The following UGT2A2 variants were observed in gnomAD, a reference collection of about 807,000 sequenced individuals.
UGT2A2 encodes the protein UDP glucuronosyltransferase family 2 member A2, also known as UDP-glucuronosyltransferase 2A2.
UGT2A2 carries 60 observed loss-of-function variants against 50.7 expected under a neutral mutation model. The ratio of observed to expected loss-of-function variants is 1.18; its 90% CI spans 0.96 to 1.47. The LOEUF is 1.47. Ranked by LOEUF, UGT2A2 falls within the 40% of genes most tolerant of loss-of-function variation. UGT2A2 has a pLI of 0.00. For synonymous variants in UGT2A2, 242 were observed against 214.6 expected, an observed-to-expected ratio of 1.13 and a Z score of -1.11; for missense variants, 762 against 634.0, an observed-to-expected ratio of 1.20 and a Z score of -2.17.
intron 1 of UGT2A2, among the ~76,000 whole-genome samples, chr4:69,611,316 T>G (rs1720035928): frequency 6.6e-6 from 1 of 150,826 alleles, no homozygotes; most frequent in African/African-American, 2.4e-5. Flanking sequence ...TATTAATTTC[T>G]GCCAAATTTT....
Position 69,595,305 on chromosome 4 carries a change from G to T in UGT2A2, c.1024-56C>A. 3.8e-6 allele frequency: 6 copies of T among 1,586,434 alleles called. No homozygotes were observed. In the East Asian group the frequency reaches 1.3e-4, roughly 36 times the overall value. On this transcript the variant is annotated intron_variant, in intron 3 of 5. Transcript: ENST00000604629. The stretch of plus-strand genomic sequence containing the variant: ...GAAAAACACAATGAGGACATTTTAA[G>T]TTGGGAGAATTATTTAGAAATCATT...
intron 1 of UGT2A2, among the ~76,000 whole-genome samples, chr4:69,615,731 A>C (rs114770148): frequency 3.3e-5 from 5 of 151,938 alleles, no homozygotes; most frequent in Non-Finnish European, 7.4e-5. Flanking sequence ...CAAGCAAACA[A>C]ACAGACAGAC....
At position 69,636,473 on chromosome 4, in the gene UGT2A2, G is replaced by T. The variant is rs1460738269; in HGVS notation, c.742+2426C>A. ...TGTTCAGTAACATGAGAAGCATAAA[G>T]GTTTTAAGTAAATAGGATATTTAAT... On this transcript the variant is annotated intron_variant, in intron 1 of 5. Transcript: ENST00000604629. 4.6e-5 allele frequency among the ~76,000 whole-genome samples: 7 copies of T among 152,150 alleles called. No individual in the cohort carries two copies. The South Asian group carries it at 1.5e-3, about 32-fold the overall frequency.
At chr4:69,629,294 G>T (rs1423692278) in intron 1 of UGT2A2, among the ~76,000 whole-genome samples, 1 of 151,974 alleles carries the variant, frequency 6.6e-6, no homozygotes, top group South Asian at 2.1e-4. Context: ...ACTGCAAAGT[G>T]TTTACTTTGC....
chr4:69,607,228 CCA>C (rs1553904408), intron 1 of UGT2A2, among the ~76,000 whole-genome samples: 29 of 134,258 alleles, frequency 2.2e-4, no homozygotes, highest in African/African-American at 2.8e-4. Context: ...GAGATAAAGA[CCA>C]ATGGAACAGA....
intron 1 of UGT2A2, among the ~76,000 whole-genome samples, chr4:69,611,879 C>T (rs539229118): frequency 1.1e-4 from 16 of 152,196 alleles, no homozygotes; most frequent in African/African-American, 3.4e-4. Flanking sequence ...ATTACACATA[C>T]GCATTCACAT....
rs528149193 is a variant in UGT2A2, at chr4:69,606,004, G to C, written c.743-6610C>G. Among the ~76,000 whole-genome samples the C allele has an allele frequency of 4.0e-4, 54 of 136,688 alleles. 9 individuals carry two copies. The highest frequency in any genetic ancestry group is 1.6e-3 in the African/African-American group (54 of 33,788). The allele number at this position is 136,688 out of a possible 152,430, so 89.7% of individuals were successfully genotyped here. ...AATTCTACCAGAAGTACAAGGAGGA[G>C]CTGGTACCATTCCTTCTGAAACTAT... On this transcript the variant is annotated intron_variant, in intron 1 of 5. Coordinates refer to ENST00000604629, the MANE Select transcript of UGT2A2 (RefSeq NM_001105677.2).
chr4:69,632,613 G>A (rs1274195813), intron 1 of UGT2A2, among the ~76,000 whole-genome samples: 2 of 152,122 alleles, frequency 1.3e-5, no homozygotes, highest in African/African-American at 2.4e-5. Context: ...TAACTGGCCA[G>A]GCACAATGAC....
At chr4:69,614,368 C>T (rs546980411) in intron 1 of UGT2A2, among the ~76,000 whole-genome samples, 5 of 151,904 alleles carry the variant, frequency 3.3e-5, no homozygotes, top group Non-Finnish European at 5.9e-5. Flanking sequence ...ATAGAGGAAT[C>T]GAAAGCATTA....
chr4:69,618,203 G>GTGTGTGTGTGTGTGTA, intron 1 of UGT2A2, among the ~76,000 whole-genome samples: 1 of 92,300 alleles, frequency 1.1e-5, no homozygotes, highest in South Asian at 4.4e-4. Flanking sequence ...GTGTGTGTGT[G>GTGTGTGTGTGTGTGTA]TGTGTGTGTG....
chr4:69,615,866 T>C (rs563279104), intron 1 of UGT2A2, among the ~76,000 whole-genome samples: 1 of 151,504 alleles, frequency 6.6e-6, no homozygotes, highest in Admixed American at 6.6e-5. Flanking sequence ...CTCAAAAAAC[T>C]AAAAATAAAA....
Position 69,595,081 on chromosome 4 carries a change from T to C in UGT2A2, c.1111+81A>G, listed in dbSNP as rs543541227. On this transcript the variant is annotated intron_variant, in intron 4 of 5. Transcript: ENST00000604629. ...ATAACATTTTAAATTATTAAAAATG[T>C]ATTGAATTTATTTGCTATTAAACAG... 4.7e-6 allele frequency: 7 copies of C among 1,501,112 alleles called. No individual in the cohort carries two copies. In the East Asian group the frequency reaches 7.1e-5, roughly 15 times the overall value. 93.0% of individuals were successfully genotyped at this position (1,501,112 alleles called of 1,614,324 possible).
rs183637080 is a variant in UGT2A2 at position 69,593,909 on chromosome 4, G to T, written c.1331+568C>A. ...TAAGCAGATTATCCAGAAAAAATGAGAATTTATATAATCATAGCATTCTTT... is the reference window on the plus strand; with the variant it reads ...TAAGCAGATTATCCAGAAAAAATGATAATTTATATAATCATAGCATTCTTT... On this transcript the variant is annotated intron_variant, in intron 5 of 5. Transcript: ENST00000604629. Among the ~76,000 whole-genome samples, 4 of 148,636 alleles carry T rather than the reference G, an allele frequency of 2.7e-5. No homozygotes were observed. In the East Asian group the frequency reaches 8.1e-4, roughly 30 times the overall value.
intron 1 of UGT2A2, among the ~76,000 whole-genome samples, chr4:69,637,078 T>A (rs1577999358): frequency 6.6e-6 from 1 of 152,280 alleles, no homozygotes; most frequent in East Asian, 1.9e-4. Flanking sequence ...ACATTTCAAA[T>A]GTCTTGAGAC....
intron 1 of UGT2A2, among the ~76,000 whole-genome samples, chr4:69,618,209 G>T (rs796937906): frequency 8.1e-5 from 9 of 110,462 alleles, no homozygotes; most frequent in South Asian, 3.1e-4. Context: ...GTGTGTGTGT[G>T]TGTGTGTATG....
intron 5 of UGT2A2, 26 bp from the exon 6 acceptor site, chr4:69,589,677 A>G: frequency 6.4e-7 from 1 of 1,568,374 alleles, no homozygotes; most frequent in Non-Finnish European, 8.7e-7. Flanking sequence ...ATAGGCAGAA[A>G]TTAGACAATT....
At chr4:69,598,776 A>T (rs1417944548) in intron 2 of UGT2A2, among the ~76,000 whole-genome samples, 1 of 152,144 alleles carries the variant, frequency 6.6e-6, no homozygotes, top group Non-Finnish European at 1.5e-5. Flanking sequence ...TCTCAAGATT[A>T]AAACCTAAGA....
intron 1 of UGT2A2, among the ~76,000 whole-genome samples, chr4:69,608,719 G>T (rs989774451): frequency 6.6e-6 from 1 of 151,990 alleles, no homozygotes; most frequent in Non-Finnish European, 1.5e-5. Context: ...TTTAGAGACA[G>T]AGCTTCACTC....
rs1721445933 is a variant in UGT2A2, at chr4:69,632,572, C to T, written c.742+6327G>A. 1.3e-5 allele frequency among the ~76,000 whole-genome samples: 2 copies of T among 152,046 alleles called. 1 individual carries two copies. The highest frequency in any genetic ancestry group is 4.2e-4 in the South Asian group (2 of 4,808). On this transcript the variant is annotated intron_variant, in intron 1 of 5. Transcript: ENST00000604629. ...GCACGACAATAGTAAATATGGAAAT[C>T]ATCCTTAGTGAATATATTTTTATAA...
Sources: gnomAD v4.1 joint callset for allele counts (sites outside exome capture counted in the v4.1 genomes callset) on GRCh38, gnomAD v4.1.1 for gene constraint, MANE v1.5 for transcripts, NCBI Gene and HGNC (gene_info 2026-07-23, HGNC 2026-07-21) for gene names.